The following SLIT2 variants were observed in gnomAD, a reference collection of about 807,000 sequenced individuals.
The protein encoded by SLIT2 is slit homolog 2 protein.
A neutral mutation model predicts 185.7 loss-of-function variants in SLIT2; 41 were observed. The observed-to-expected ratio is 0.22, with a 90% CI of 0.17 to 0.29. The LOEUF (loss-of-function observed/expected upper bound fraction) is 0.29, where lower values mean the gene tolerates loss of function less well. Ranked by LOEUF, SLIT2 falls within the 10% of genes least tolerant of loss-of-function variation. The probability of loss-of-function intolerance (pLI) is 1.00; values close to 1 mark genes in which losing one functional copy is unlikely to be tolerated. For synonymous variants in SLIT2, 693 were observed against 680.2 expected (o/e 1.02, Z -0.29); for missense variants, 1,571 against 1,909.0 (o/e 0.82, Z 3.30).
Position 20,539,502 on chromosome 4 carries a change from G to A in SLIT2, c.1894G>A (p.Val632Met), listed in dbSNP as rs151207346. ...GNDSFIGLSS[V>M]RLLSLYDNQI... The stretch of plus-strand genomic sequence containing the variant: ...TGACAGTTTCATAGGACTCAGTTCT[G>A]TGCGTTTGCTTTCTTTGTATGATAA... The change falls in exon 19 of 37, where the codon GTG becomes ATG. Residue 632 changes from valine to methionine, a missense_variant. Val to Met is a conservative substitution (Grantham distance 21). This residue lies in a region of SLIT2 where 1,202 missense variants were observed against 1,416.4 expected (regional missense o/e 0.85). Coordinates refer to ENST00000504154, the MANE Select transcript of SLIT2 (RefSeq NM_004787.4). 1.2e-5 allele frequency: 19 copies of A among 1,613,314 alleles called. No individual in the cohort carries two copies. In the African/African-American group the frequency reaches 1.7e-4, roughly 15 times the overall value.
chr4:20,500,685 A>G (rs961497382), intron 9 of SLIT2, among the ~76,000 whole-genome samples: 5 of 152,198 alleles, frequency 3.3e-5, no homozygotes, highest in African/African-American at 9.6e-5. Flanking sequence ...GTAGGAAACT[A>G]TACGTCTCCT....
intron 11 of SLIT2, among the ~76,000 whole-genome samples, chr4:20,514,506 A>G (rs1241722714): frequency 2.0e-5 from 3 of 152,066 alleles, no homozygotes; most frequent in Non-Finnish European, 4.4e-5. Context: ...TCAGTCAGAC[A>G]TGGTGGTGCA....
At chr4:20,524,274 T>C (rs1404242884) in intron 14 of SLIT2, 97 bp downstream of exon 14, 1 of 1,029,828 alleles carries the variant, frequency 9.7e-7, no homozygotes, top group Non-Finnish European at 1.5e-6. Flanking sequence ...GTGAACACTG[T>C]AGAATCATAT....
chr4:20,268,579 T>C (rs1393291383), intron 3 of SLIT2, among the ~76,000 whole-genome samples: 1 of 151,846 alleles, frequency 6.6e-6, no homozygotes, highest in Non-Finnish European at 1.5e-5. Flanking sequence ...AGGATTTCAG[T>C]TTAAAGTTTA....
At chr4:20,558,200 A>T (rs948228481) in intron 26 of SLIT2, among the ~76,000 whole-genome samples, 1 of 152,072 alleles carries the variant, frequency 6.6e-6, no homozygotes, top group Non-Finnish European at 1.5e-5. Flanking sequence ...AAAATGTTCT[A>T]CTGTGGATAA....
intron 4 of SLIT2, among the ~76,000 whole-genome samples, chr4:20,370,790 G>A (rs1723508913): frequency 6.6e-6 from 1 of 152,072 alleles, no homozygotes; most frequent in Non-Finnish European, 1.5e-5. Flanking sequence ...AACAGCCAAC[G>A]TTTCTAGCTA....
chr4:20,527,029 T>C (rs1031507751), intron 15 of SLIT2, among the ~76,000 whole-genome samples: 1 of 152,220 alleles, frequency 6.6e-6, no homozygotes, highest in Admixed American at 6.5e-5. Flanking sequence ...CCAAATGTAA[T>C]GAAACGATTA....
chr4:20,424,546 T>C (rs1328791956), intron 4 of SLIT2, among the ~76,000 whole-genome samples: 2 of 152,102 alleles, frequency 1.3e-5, no homozygotes, highest in African/African-American at 2.4e-5. Context: ...CATTTTCTAT[T>C]TGTCGTCTAA....
chr4:20,401,896 G>A (rs10007209), intron 4 of SLIT2, among the ~76,000 whole-genome samples: 149,971 of 152,000 alleles, frequency 0.99, 74,011 homozygotes, highest in East Asian at 1. Flanking sequence ...TGTTTTATCA[G>A]AGAGCGTTTT....
chr4:20,261,001 T>A (rs1339602690), intron 3 of SLIT2, among the ~76,000 whole-genome samples: 1 of 151,760 alleles, frequency 6.6e-6, no homozygotes, highest in East Asian at 1.9e-4. Context: ...TGTCAGAATG[T>A]GGTTGTGCAT....
chr4:20,397,337 CAG>C (rs1725977429), intron 4 of SLIT2, among the ~76,000 whole-genome samples: 1 of 151,804 alleles, frequency 6.6e-6, no homozygotes, highest in African/African-American at 2.4e-5. Flanking sequence ...TACCTAGGAA[CAG>C]AGTTCTAATG....
intron 4 of SLIT2, among the ~76,000 whole-genome samples, chr4:20,372,268 G>C (rs1577521733): frequency 6.6e-6 from 1 of 152,002 alleles, no homozygotes; most frequent in South Asian, 2.1e-4. Context: ...CTGACATTAA[G>C]TGGTGCAGAA....
At chr4:20,603,417 AT>A in intron 33 of SLIT2, among the ~76,000 whole-genome samples, 1 of 152,320 alleles carries the variant, frequency 6.6e-6, no homozygotes, top group East Asian at 1.9e-4. Flanking sequence ...GGCAGCCTAA[AT>A]TTAAGCAGTA....
Position 20,412,030 on chromosome 4 carries a change from G to A in SLIT2, c.396-55722G>A, listed in dbSNP as rs147782092. Among the ~76,000 whole-genome samples, 469 of 151,956 alleles carry A rather than the reference G, an allele frequency of 3.1e-3. 2 individuals carry two copies. The highest frequency in any genetic ancestry group is 3.5e-3 in the Non-Finnish European group (237 of 67,966). On this transcript the variant is annotated intron_variant, in intron 4 of 36. Coordinates refer to ENST00000504154, the MANE Select transcript of SLIT2 (RefSeq NM_004787.4). The stretch of plus-strand genomic sequence containing the variant: ...GAGAAACCATCATTAATATTCTTTC[G>A]TTTTATACTATTTTGGATATGGGCT...
At chr4:20,451,093 AAT>A (rs1463628393) in intron 4 of SLIT2, among the ~76,000 whole-genome samples, 10 of 152,118 alleles carry the variant, frequency 6.6e-5, no homozygotes, top group Non-Finnish European at 1.0e-4. Flanking sequence ...ATTTTTCTTC[AAT>A]ATTATAAGTC....
chr4:20,277,203 T>G (rs1490450769), intron 4 of SLIT2, among the ~76,000 whole-genome samples: 1 of 152,110 alleles, frequency 6.6e-6, no homozygotes, highest in Non-Finnish European at 1.5e-5. Context: ...AATTAACACC[T>G]AAGGGGAAAA....
intron 4 of SLIT2, among the ~76,000 whole-genome samples, chr4:20,331,213 A>T (rs1314379768): frequency 6.6e-6 from 1 of 152,168 alleles, no homozygotes; most frequent in African/African-American, 2.4e-5. Context: ...TTCACATAGG[A>T]AAAAACAGAG....
intron 26 of SLIT2, among the ~76,000 whole-genome samples, chr4:20,566,401 A>G (rs1264870652): frequency 6.6e-6 from 1 of 152,100 alleles, no homozygotes; most frequent in Non-Finnish European, 1.5e-5. Flanking sequence ...ACAAAGTATC[A>G]TAGGTGGAAC....
intron 4 of SLIT2, among the ~76,000 whole-genome samples, chr4:20,280,177 C>T (rs911563141): frequency 2.6e-5 from 4 of 151,472 alleles, no homozygotes; most frequent in African/African-American, 9.7e-5. Context: ...ACTAAAAATA[C>T]AAAAAATTAG....
Sources: allele counts gnomAD v4.1 joint callset (sites outside exome capture counted in the v4.1 genomes callset), GRCh38; gene constraint gnomAD v4.1.1; regional missense constraint gnomAD v4.1.1; transcripts MANE v1.5; gene names NCBI Gene and HGNC (gene_info 2026-07-23, HGNC 2026-07-21).